Variants in CDH8 observed in about 807,000 individuals in gnomAD.
CDH8 encodes cadherin-8.
Under a neutral mutation model 68.1 loss-of-function variants are expected in CDH8, and 17 were observed. The ratio of observed to expected loss-of-function variants is 0.25; its 90% CI spans 0.17 to 0.37. The LOEUF (loss-of-function observed/expected upper bound fraction) is 0.37, where lower values mean the gene tolerates loss of function less well. Ranked by LOEUF, CDH8 falls within the 10% of genes least tolerant of loss-of-function variation. The probability of loss-of-function intolerance (pLI) is 1.00; values close to 1 mark genes in which losing one functional copy is unlikely to be tolerated. For missense variants in CDH8, 763 were observed against 999.3 expected, an observed-to-expected ratio of 0.76 and a Z score of 3.19; for synonymous variants, 372 against 365.1, an observed-to-expected ratio of 1.02 and a Z score of -0.21.
At position 61,821,094 on chromosome 16, in the gene CDH8, T is replaced by C; in HGVS notation, c.855A>G (p.Val285=). 1 of 1,611,264 alleles carries C rather than the reference T, an allele frequency of 6.2e-7. No individual in the cohort carries two copies. The highest frequency in any genetic ancestry group is 8.5e-7 in the Non-Finnish European group (1 of 1,178,290). Residue 285 remains valine (V), a synonymous_variant, in exon 6 of 12, where the codon GTA becomes GTG. Coordinates refer to ENST00000577390, the MANE Select transcript of CDH8 (RefSeq NM_001796.5). ...KFAQSLYHFS[V]PEDVVLGTAI... ...CAGTGCCAAGAACCACATCTTCCGG[T>C]ACTGAGAAGTGATACAGGCCTTTAA...
rs1962332921 is a variant in CDH8 at position 61,826,298 on chromosome 16, C to G, written c.668-1119G>C. ...ATACTATACATGGCTAAGGCATTCT[C>G]ATATTGATAAATATTGCAGTTATTT... On this transcript the variant is annotated intron_variant, in intron 4 of 11. Coordinates refer to ENST00000577390, the MANE Select transcript of CDH8 (RefSeq NM_001796.5). 2.0e-5 allele frequency among the ~76,000 whole-genome samples: 3 copies of G among 151,878 alleles called. No homozygotes were observed. The South Asian group carries it at 6.2e-4, about 31-fold the overall frequency.
At chr16:61,674,469 AAAC>A (rs1963858908) in intron 10 of CDH8, among the ~76,000 whole-genome samples, 3 of 151,438 alleles carry the variant, frequency 2.0e-5, no homozygotes, top group Admixed American at 6.6e-5. Flanking sequence ...AAAAAAAAAA[AAAC>A]CCTCACACTG....
At position 62,006,947 on chromosome 16, in the gene CDH8, G is replaced by A. The variant is rs540659903; in HGVS notation, c.252+14205C>T. 1.9e-4 allele frequency among the ~76,000 whole-genome samples: 28 copies of A among 148,334 alleles called. No homozygotes were observed. The East Asian group carries it at 2.2e-3, about 12-fold the overall frequency. ...TTTTGAGACCGAGTCTCACTCTGTC[G>A]CCCAGGCTGGAGTACAGTGGCACAA... is the stretch of plus-strand genomic sequence containing the variant. On this transcript the variant is annotated intron_variant, in intron 2 of 11. Transcript: ENST00000577390.
chr16:61,781,316 A>G (rs1425827913), intron 8 of CDH8, among the ~76,000 whole-genome samples: 1 of 152,218 alleles, frequency 6.6e-6, no homozygotes, highest in African/African-American at 2.4e-5. Flanking sequence ...ATCTTATTTT[A>G]AAAAGGTGGC....
intron 4 of CDH8, among the ~76,000 whole-genome samples, chr16:61,853,209 G>A (rs1247078204): frequency 6.6e-6 from 1 of 152,076 alleles, no homozygotes; most frequent in African/African-American, 2.4e-5. Context: ...TCTCTGATAT[G>A]TTATGGCAAC....
chr16:61,768,314 T>TCTCTC (rs1960651975), intron 8 of CDH8, among the ~76,000 whole-genome samples: 2 of 17,198 alleles, frequency 1.2e-4, no homozygotes, highest in East Asian at 2.6e-3. Context: ...GTCTCTCCCT[T>TCTCTC]TCTCTCTCTC....
At chr16:61,713,110 C>G (rs538635780) in intron 10 of CDH8, among the ~76,000 whole-genome samples, 27 of 151,454 alleles carry the variant, frequency 1.8e-4, no homozygotes, top group African/African-American at 6.3e-4. Flanking sequence ...GAACAAAAAT[C>G]AAGTTTTAAA....
intron 8 of CDH8, among the ~76,000 whole-genome samples, chr16:61,771,472 C>CA (rs11355312): frequency 0.15 from 9,098 of 61,568 alleles, 484 homozygotes; most frequent in Non-Finnish European, 0.24. Flanking sequence ...AAAAGCCAGC[C>CA]AAAAAAAAAA....
chr16:61,984,803 T>G (rs530056958), intron 2 of CDH8, among the ~76,000 whole-genome samples: 1 of 152,316 alleles, frequency 6.6e-6, no homozygotes, highest in South Asian at 2.1e-4. Context: ...CTTCTAAAAC[T>G]TATACTTTTT....
chr16:61,799,318 AG>A (rs759179438), intron 7 of CDH8, among the ~76,000 whole-genome samples: 9 of 152,236 alleles, frequency 5.9e-5, no homozygotes, highest in Non-Finnish European at 1.2e-4. Context: ...GTATAAAAAA[AG>A]CATCTTACAA....
At chr16:61,782,948 A>G (rs1285867503) in intron 8 of CDH8, among the ~76,000 whole-genome samples, 3 of 151,962 alleles carry the variant, frequency 2.0e-5, no homozygotes, top group Admixed American at 6.6e-5. Context: ...CATCACCATC[A>G]TCAAAGACCA....
intron 4 of CDH8, among the ~76,000 whole-genome samples, chr16:61,829,028 C>A (rs1448291454): frequency 1.3e-5 from 2 of 151,886 alleles, no homozygotes; most frequent in African/African-American, 2.4e-5. Context: ...CCAGCCCTAC[C>A]CACCCAGTGT....
chr16:61,885,505 C>A (rs967476772), intron 3 of CDH8, among the ~76,000 whole-genome samples: 1 of 152,122 alleles, frequency 6.6e-6, no homozygotes, highest in Admixed American at 6.5e-5. Context: ...CCAAAAAAGG[C>A]TTTCACAAGG....
rs184569644 is a variant in CDH8 at position 61,907,061 on chromosome 16, C to T, written c.253-5588G>A. ...CATATCCTTCTCAAGGTTGCACACA[C>T]TGATTGTGAAAAAATAATGCAAATT... On this transcript the variant is annotated intron_variant, in intron 2 of 11. Coordinates refer to ENST00000577390, the MANE Select transcript of CDH8 (RefSeq NM_001796.5). Among the ~76,000 whole-genome samples, 17 of 152,304 alleles carry T rather than the reference C, an allele frequency of 1.1e-4. No homozygotes were observed. In the East Asian group the frequency reaches 3.1e-3, roughly 28 times the overall value.
intron 10 of CDH8, among the ~76,000 whole-genome samples, chr16:61,705,255 A>G (rs1397017388): frequency 6.6e-6 from 1 of 152,184 alleles, no homozygotes; most frequent in African/African-American, 2.4e-5. Flanking sequence ...TCTAGTTTCC[A>G]GGAGGCTTCA....
At chr16:61,879,089 G>T (rs142600655) in intron 3 of CDH8, among the ~76,000 whole-genome samples, 1 of 152,128 alleles carries the variant, frequency 6.6e-6, no homozygotes, top group East Asian at 1.9e-4. Flanking sequence ...ATATTTCATT[G>T]TCTAAATCCC....
rs532267018 is a variant in CDH8, at chr16:61,897,072, T to C, written c.547+4107A>G. Among the ~76,000 whole-genome samples the C allele has an allele frequency of 2.1e-3, 313 of 147,892 alleles. 3 individuals carry two copies. The highest frequency in any genetic ancestry group is 7.4e-3 in the African/African-American group (298 of 40,508). On this transcript the variant is annotated intron_variant, in intron 3 of 11. Coordinates refer to ENST00000577390, the MANE Select transcript of CDH8 (RefSeq NM_001796.5). Reference sequence around the variant, plus strand: ...ATATAATACATATATATCTTTATTATATATATAATATAATATATAAATATA... The same window carrying C: ...ATATAATACATATATATCTTTATTACATATATAATATAATATATAAATATA...
At chr16:61,752,819 T>C (rs2142951422) in intron 8 of CDH8, among the ~76,000 whole-genome samples, 1 of 152,272 alleles carries the variant, frequency 6.6e-6, no homozygotes, top group East Asian at 1.9e-4. Context: ...TTATCTGCCC[T>C]TGAAGGCATT....
intron 10 of CDH8, among the ~76,000 whole-genome samples, chr16:61,690,827 G>T (rs552234062): frequency 6.6e-6 from 1 of 151,978 alleles, no homozygotes; most frequent in East Asian, 1.9e-4. Flanking sequence ...TTAATCATAC[G>T]TGGGTGACTC....
Sources: gnomAD v4.1 joint callset for allele counts (sites outside exome capture counted in the v4.1 genomes callset) on GRCh38, gnomAD v4.1.1 for gene constraint, MANE v1.5 for transcripts, NCBI Gene and HGNC (gene_info 2026-07-23, HGNC 2026-07-21) for gene names.